FUT8: variants seen among roughly 807,000 people sequenced by gnomAD.
FUT8 encodes fucosyltransferase 8, also known as alpha-(1,6)-fucosyltransferase.
In FUT8, 29 loss-of-function variants were observed where a neutral mutation model predicts 71.3. The observed-to-expected ratio is 0.41, with a 90% confidence interval of 0.30 to 0.55. FUT8 has a LOEUF of 0.55. Ranked by LOEUF, FUT8 falls within the 20% of genes least tolerant of loss-of-function variation. FUT8 has a pLI of 0.34. For synonymous variants in FUT8, 254 were observed against 239.3 expected (o/e 1.06, Z -0.57); for missense variants, 544 against 702.1 (o/e 0.77, Z 2.55).
intron 3 of FUT8, among the ~76,000 whole-genome samples, chr14:65,582,249 C>T (rs1443158523): frequency 3.3e-5 from 5 of 151,952 alleles, no homozygotes; most frequent in African/African-American, 1.2e-4. Context: ...TGATTTCTTC[C>T]ATTTTAAATT....
intron 7 of FUT8, among the ~76,000 whole-genome samples, chr14:65,716,691 C>A (rs1895079175): frequency 6.6e-6 from 1 of 151,978 alleles, no homozygotes; most frequent in African/African-American, 2.4e-5. Context: ...TCCCCCTTTT[C>A]TTTTTGACAA....
chr14:65,739,421 G>T (rs1896380832), intron 10 of FUT8, among the ~76,000 whole-genome samples: 1 of 152,172 alleles, frequency 6.6e-6, no homozygotes, highest in South Asian at 2.1e-4. Context: ...GTTAACACAT[G>T]AACAACTCTT....
intron 10 of FUT8, among the ~76,000 whole-genome samples, chr14:65,740,563 G>A (rs1282084538): frequency 6.6e-6 from 1 of 152,032 alleles, no homozygotes; most frequent in Admixed American, 6.6e-5. Flanking sequence ...TCATGGTTCT[G>A]CAGGCTATAC....
In FUT8 at chr14:65,455,718, G is replaced by C. The variant is rs2065886204; in HGVS notation, c.-228G>C. On this transcript the variant is annotated splice_region_variant and 5_prime_UTR_variant, in exon 2 of 11. Transcript: ENST00000673929. ...TTTGTTGATTAACTGGACAAATTCA[G>C]GTTAGTGTATTTTGTGGACAGCACT... 1 of 398,028 alleles carries C rather than the reference G, an allele frequency of 2.5e-6. No homozygotes were observed. The highest frequency in any genetic ancestry group is 4.4e-6 in the Non-Finnish European group (1 of 225,852). The allele number at this position is 398,028 out of a possible 1,614,324, so 24.7% of individuals were successfully genotyped here.
intron 2 of FUT8, among the ~76,000 whole-genome samples, chr14:65,506,873 C>G (rs1399250093): frequency 6.6e-6 from 1 of 152,212 alleles, no homozygotes; most frequent in Non-Finnish European, 1.5e-5. Context: ...CTGCCGGGGT[C>G]TGCCCATAGA....
In FUT8 at chr14:65,669,323, T is replaced by C. The variant is rs1193807964; in HGVS notation, c.678T>C (p.His226=). The C allele has an allele frequency of 3.7e-6, 6 of 1,613,820 alleles. No homozygotes were observed. The highest frequency in any genetic ancestry group is 1.6e-4 in the Middle Eastern group (1 of 6,074). Reference sequence around the variant, plus strand: ...GTGGCTATGGCTGTCAGCTCCATCATGTGGTCTACTGCTTCATGATTGCAT... The same window carrying C: ...GTGGCTATGGCTGTCAGCTCCATCACGTGGTCTACTGCTTCATGATTGCAT... ...KGCGYGCQLH[H]VVYCFMIAYG... Residue 226 remains histidine, a synonymous_variant, in exon 7 of 11, where the codon CAT becomes CAC. Transcript: ENST00000673929. This position sits in a 1 kb window ranked among gnomAD's most constrained non-coding sequence, Gnocchi z 4.5.
chr14:65,471,326 G>T (rs995530097), intron 2 of FUT8: 1 of 155,118 alleles, frequency 6.4e-6, no homozygotes, highest in African/African-American at 2.4e-5. Flanking sequence ...CTAAAAGCCA[G>T]TTGGTTAGGT....
In FUT8 at chr14:65,607,892, G is replaced by A. The variant is rs1453986558; in HGVS notation, c.204-8086G>A. On this transcript the variant is annotated intron_variant, in intron 3 of 10. Transcript: ENST00000673929. The surrounding 1 kb of genome is among the most constrained non-coding windows in gnomAD (Gnocchi z 4.1). ...TTACTGGCCAACATGGTGAAACCCC[G>A]TCTCTACGAAAAATACAAAAAAATT... Among the ~76,000 whole-genome samples, 4 of 151,496 alleles carry A rather than the reference G, an allele frequency of 2.6e-5. No individual in the cohort carries two copies. The South Asian group carries it at 6.3e-4, about 24-fold the overall frequency.
At chr14:65,438,532 T>A (rs1422342143) in intron 1 of FUT8, among the ~76,000 whole-genome samples, 1 of 152,216 alleles carries the variant, frequency 6.6e-6, no homozygotes, top group African/African-American at 2.4e-5. Flanking sequence ...GGGCTATACT[T>A]GTAAGGATGG....
At chr14:65,573,171 C>CT (rs1483477231) in intron 3 of FUT8, among the ~76,000 whole-genome samples, 3 of 151,956 alleles carry the variant, frequency 2.0e-5, no homozygotes, top group Non-Finnish European at 4.4e-5. Flanking sequence ...AGCTAGAAGT[C>CT]TATCATGTAG....
chr14:65,507,739 T>C (rs1322655649), intron 2 of FUT8, among the ~76,000 whole-genome samples: 1 of 152,252 alleles, frequency 6.6e-6, no homozygotes, highest in Non-Finnish European at 1.5e-5. Flanking sequence ...TCTTGGCTAT[T>C]GTGAACAGTG....
chr14:65,417,998 A>G (rs2139369873), intron 1 of FUT8, among the ~76,000 whole-genome samples: 1 of 152,348 alleles, frequency 6.6e-6, no homozygotes, highest in South Asian at 2.1e-4. Flanking sequence ...AGTTCACATT[A>G]TAAAATAATA....
intron 7 of FUT8, among the ~76,000 whole-genome samples, chr14:65,682,107 C>G (rs1464365075): frequency 6.6e-6 from 1 of 152,202 alleles, no homozygotes; most frequent in Non-Finnish European, 1.5e-5. Context: ...CCCTGTAACT[C>G]TGGAAGCTCC....
intron 5 of FUT8, among the ~76,000 whole-genome samples, chr14:65,619,253 G>T (rs1889473662): frequency 6.6e-6 from 1 of 152,158 alleles, no homozygotes; most frequent in Non-Finnish European, 1.5e-5. Flanking sequence ...CTCTTTGTGA[G>T]TTCACCACGA....
intron 9 of FUT8, among the ~76,000 whole-genome samples, chr14:65,728,315 G>T (rs1389700871): frequency 1.3e-5 from 2 of 152,198 alleles, no homozygotes; most frequent in Non-Finnish European, 2.9e-5. Flanking sequence ...AAAGAAAGAG[G>T]TTTAATGGAC....
At chr14:65,648,538 T>C (rs762935752) in intron 6 of FUT8, among the ~76,000 whole-genome samples, 1 of 152,244 alleles carries the variant, frequency 6.6e-6, no homozygotes, top group Non-Finnish European at 1.5e-5. Flanking sequence ...TCTTACAGAC[T>C]GACCACCATT....
At chr14:65,595,463 T>G (rs757070857) in intron 3 of FUT8, among the ~76,000 whole-genome samples, 29 of 152,156 alleles carry the variant, frequency 1.9e-4, no homozygotes, top group Non-Finnish European at 3.8e-4. Flanking sequence ...ACTCTCATGT[T>G]ATATACCTCA....
intron 1 of FUT8, among the ~76,000 whole-genome samples, chr14:65,439,952 G>GTATATA (rs1425130774): frequency 0.01 from 381 of 38,048 alleles, 3 homozygotes; most frequent in East Asian, 0.05. Context: ...GTGTGTGTGT[G>GTATATA]TGTATATATA....
At chr14:65,456,086 G>A (rs2065890440) in intron 2 of FUT8, among the ~76,000 whole-genome samples, 1 of 152,076 alleles carries the variant, frequency 6.6e-6, no homozygotes, top group Admixed American at 6.5e-5. Flanking sequence ...TTTAGTAGCT[G>A]GCTTTTAAAG....
Sources: allele counts gnomAD v4.1 joint callset (sites outside exome capture counted in the v4.1 genomes callset), GRCh38; gene constraint gnomAD v4.1.1; non-coding constraint Gnocchi (gnomAD v3.1); transcripts MANE v1.5; gene names NCBI Gene and HGNC (gene_info 2026-07-23, HGNC 2026-07-21).